SLCO1A2: variants seen among roughly 807,000 people sequenced by gnomAD.
SLCO1A2 encodes the protein OATP-1.
A neutral mutation model predicts 69.0 loss-of-function variants in SLCO1A2; 67 were observed. The ratio of observed to expected loss-of-function variants is 0.97; its 90% CI spans 0.80 to 1.19. The LOEUF is 1.19. Among genes scored for constraint, SLCO1A2 ranks in the 50% most tolerant of loss-of-function variants. The pLI is 0.00. For synonymous variants in SLCO1A2, 260 were observed against 265.9 expected, an observed-to-expected ratio of 0.98 and a Z score of 0.22; for missense variants, 787 against 793.7, an observed-to-expected ratio of 0.99 and a Z score of 0.10.
At chr12:21,403,211 G>A (rs962874785) in intron 1 of SLCO1A2, among the ~76,000 whole-genome samples, 1 of 152,036 alleles carries the variant, frequency 6.6e-6, no homozygotes, top group Non-Finnish European at 1.5e-5. Context: ...ATCTGTGCAT[G>A]CATAAACAAA....
chr12:21,314,244 A>AT (rs1266125687), intron 4 of SLCO1A2, among the ~76,000 whole-genome samples: 1 of 152,160 alleles, frequency 6.6e-6, no homozygotes, highest in Non-Finnish European at 1.5e-5. Flanking sequence ...AATTAGAAGT[A>AT]TTTACATGGT....
At chr12:21,384,775 T>C (rs1469146676) in intron 1 of SLCO1A2, among the ~76,000 whole-genome samples, 1 of 151,124 alleles carries the variant, frequency 6.6e-6, no homozygotes, top group East Asian at 1.9e-4. Flanking sequence ...TTTTCTTTTT[T>C]TTTTTTTTGA....
chr12:21,408,568 GAA>G (rs897026055), intron 1 of SLCO1A2, among the ~76,000 whole-genome samples: 60 of 152,076 alleles, frequency 3.9e-4, no homozygotes, highest in African/African-American at 1.3e-3. Flanking sequence ...ACTGCCCAAC[GAA>G]AAGTGTCCCA....
rs768389180 is a variant in SLCO1A2 at position 21,295,749 on chromosome 12, A to G, written c.1119T>C (p.Gly373=). The G allele has an allele frequency of 1.4e-5, 22 of 1,599,182 alleles. No homozygotes were observed. The Admixed American group carries it at 3.7e-4, about 27-fold the overall frequency. The change falls in exon 10 of 15, where the codon GGT becomes GGC. Residue 373 remains glycine, a synonymous_variant. Coordinates refer to ENST00000683939, the MANE Select transcript of SLCO1A2 (RefSeq NM_001386879.1). ...LPPICIGYII[G]GLIMKKFKIT... ...TCTTGAACTTCTTCATAATTAAACCACCAATTATATATCCAATACATATTG... is the reference window on the plus strand; with the variant it reads ...TCTTGAACTTCTTCATAATTAAACCGCCAATTATATATCCAATACATATTG...
chr12:21,270,684 G>C (rs1315142912), intron 14 of SLCO1A2, among the ~76,000 whole-genome samples: 1 of 150,656 alleles, frequency 6.6e-6, no homozygotes, highest in Non-Finnish European at 1.5e-5. Flanking sequence ...AAATATTCAT[G>C]TTTCTATAGA....
intron 2 of SLCO1A2, among the ~76,000 whole-genome samples, chr12:21,325,426 C>G (rs1302936756): frequency 6.6e-6 from 1 of 152,164 alleles, no homozygotes; most frequent in Non-Finnish European, 1.5e-5. Flanking sequence ...TTTCTACCCC[C>G]AGACCATTTT....
intron 1 of SLCO1A2, among the ~76,000 whole-genome samples, chr12:21,393,729 A>G (rs2137162264): frequency 6.6e-6 from 1 of 152,348 alleles, no homozygotes; most frequent in East Asian, 1.9e-4. Flanking sequence ...ATTGTAAGGT[A>G]TATATCTCAG....
chr12:21,360,212 G>A (rs1398354133), intron 2 of SLCO1A2, among the ~76,000 whole-genome samples: 2 of 152,166 alleles, frequency 1.3e-5, no homozygotes, highest in Admixed American at 1.3e-4. Flanking sequence ...TTAGAAGGAT[G>A]GAAATGTCTG....
At chr12:21,402,861 A>C (rs1272482365) in intron 1 of SLCO1A2, among the ~76,000 whole-genome samples, 2 of 152,014 alleles carry the variant, frequency 1.3e-5, no homozygotes, top group African/African-American at 4.8e-5. Flanking sequence ...TTTTTTATAT[A>C]CTCTTCTGTT....
intron 2 of SLCO1A2, among the ~76,000 whole-genome samples, chr12:21,341,646 C>T (rs1363369188): frequency 2.0e-5 from 3 of 151,996 alleles, no homozygotes; most frequent in Non-Finnish European, 4.4e-5. Context: ...ATGTTCCTGA[C>T]TGGAGTCACG....
rs397693403 is a variant in SLCO1A2, at chr12:21,334,091, GA to G, written c.60+496del. Reference sequence around the variant, plus strand: ...AGAAAACAGAATTTTCTCTGAAATAGAAAAAAAAATCAGAACAGCTGACAAA... The same window carrying G: ...AGAAAACAGAATTTTCTCTGAAATAGAAAAAAAATCAGAACAGCTGACAAA... On this transcript the variant is annotated intron_variant, in intron 2 of 14. Coordinates refer to ENST00000683939, the MANE Select transcript of SLCO1A2 (RefSeq NM_001386879.1). Among the ~76,000 whole-genome samples, 355 of 150,798 alleles carry G rather than the reference GA, an allele frequency of 2.4e-3. 2 individuals are homozygous for G. Among genetic ancestry groups the G allele is most frequent in the African/African-American group, 8.3e-3 (341 of 41,154 alleles).
upstream of SLCO1A2, among the ~76,000 whole-genome samples, chr12:21,395,778 G>A (rs977155131): frequency 5.9e-5 from 9 of 152,182 alleles, no homozygotes; most frequent in East Asian, 1.9e-4. Context: ...CACCTCAAAC[G>A]GCAGGGTACT....
chr12:21,418,941 T>C (rs1370149364), upstream of SLCO1A2, among the ~76,000 whole-genome samples: 1 of 152,120 alleles, frequency 6.6e-6, no homozygotes, highest in African/African-American at 2.4e-5. Context: ...TTAAGAATAA[T>C]ATTTAGTAGC....
In SLCO1A2 at chr12:21,361,743, C is replaced by T. The variant is rs182686536; in HGVS notation, c.-63+12656G>A. Among the ~76,000 whole-genome samples, 1,051 of 152,054 alleles carry T rather than the reference C, an allele frequency of 6.9e-3. 13 individuals carry two copies. The highest frequency in any genetic ancestry group is 0.023 in the African/African-American group (973 of 41,470). ...AAATCATGGCACAAGGACTACGTGA[C>T]GCATGTACAAGCTTCAGTAGCCGAT... is the stretch of plus-strand genomic sequence containing the variant. On this transcript the variant is annotated intron_variant, in intron 2 of 15. Transcript: ENST00000307378.
upstream of SLCO1A2, among the ~76,000 whole-genome samples, chr12:21,398,591 A>G (rs1213346255): frequency 5.9e-5 from 9 of 152,140 alleles, no homozygotes; most frequent in African/African-American, 2.2e-4. Flanking sequence ...TTCTTAGACC[A>G]ATATCCTTGA....
intron 4 of SLCO1A2, among the ~76,000 whole-genome samples, chr12:21,314,243 T>A (rs1003917577): frequency 1.3e-5 from 2 of 152,220 alleles, no homozygotes; most frequent in African/African-American, 2.4e-5. Context: ...TAATTAGAAG[T>A]ATTTACATGG....
intron 1 of SLCO1A2, among the ~76,000 whole-genome samples, chr12:21,416,531 C>T (rs1032171975): frequency 6.6e-6 from 1 of 151,880 alleles, no homozygotes; most frequent in Non-Finnish European, 1.5e-5. Context: ...ACCGAGCTAG[C>T]TTCGTGGGTA....
chr12:21,343,381 A>T (rs973816248), intron 2 of SLCO1A2, among the ~76,000 whole-genome samples: 4 of 152,156 alleles, frequency 2.6e-5, no homozygotes, highest in African/African-American at 4.8e-5. Flanking sequence ...TAGGTGATCA[A>T]TAAATGTTTG....
At chr12:21,328,145 C>T (rs576440276) in intron 2 of SLCO1A2, among the ~76,000 whole-genome samples, 6 of 152,254 alleles carry the variant, frequency 3.9e-5, no homozygotes, top group Admixed American at 6.5e-5. Context: ...CTTTACCTTC[C>T]GTCGTAATTG....
Sources: allele counts gnomAD v4.1 joint callset (sites outside exome capture counted in the v4.1 genomes callset), GRCh38; gene constraint gnomAD v4.1.1; transcripts MANE v1.5; gene names NCBI Gene and HGNC (gene_info 2026-07-23, HGNC 2026-07-21).